GLIS3: variants seen among roughly 807,000 people sequenced by gnomAD.
GLIS3 encodes the protein zinc finger protein GLIS3.
GLIS3 carries 53 observed loss-of-function variants against 78.6 expected under a neutral mutation model. The observed-to-expected ratio is 0.67, with a 90% confidence interval of 0.54 to 0.85. GLIS3 has a LOEUF of 0.85. Among genes scored for constraint, GLIS3 ranks in the 40% least tolerant of loss-of-function variants. The probability of loss-of-function intolerance (pLI) is 0.00; values close to 1 mark genes in which losing one functional copy is unlikely to be tolerated. For missense variants in GLIS3, 1,703 were observed against 1,231.1 expected, an observed-to-expected ratio of 1.38 and a Z score of -5.74; for synonymous variants, 684 against 509.9, an observed-to-expected ratio of 1.34 and a Z score of -4.60.
chr9:4,145,786 C>T (rs947929083), intron 2 of GLIS3, among the ~76,000 whole-genome samples: 1 of 151,950 alleles, frequency 6.6e-6, no homozygotes, highest in Admixed American at 6.6e-5. Flanking sequence ...CTCCCTCTCT[C>T]TCCTTTAGTA....
At chr9:4,059,505 T>C (rs1486862300) in intron 4 of GLIS3, among the ~76,000 whole-genome samples, 1 of 152,190 alleles carries the variant, frequency 6.6e-6, no homozygotes, top group African/African-American at 2.4e-5. Context: ...AAACCACAAA[T>C]ACCTTAGAGA....
chr9:4,109,314 T>A (rs1425423726), intron 4 of GLIS3, among the ~76,000 whole-genome samples: 1 of 152,238 alleles, frequency 6.6e-6, no homozygotes, highest in Non-Finnish European at 1.5e-5. Flanking sequence ...ATACACAGGA[T>A]AATGTATGCA....
chr9:4,350,974 C>G (rs889462749), upstream of GLIS3, among the ~76,000 whole-genome samples: 4 of 152,176 alleles, frequency 2.6e-5, no homozygotes, highest in Admixed American at 6.5e-5. Flanking sequence ...GCCTGGGGCC[C>G]TGTGTGTCTG....
chr9:4,418,973 G>A, the GLIS3 span, among the ~76,000 whole-genome samples: 5 of 152,186 alleles, frequency 3.3e-5, no homozygotes, highest in Non-Finnish European at 5.9e-5. Flanking sequence ...GGCTAGAGAT[G>A]GTGGTGGAAA....
At position 4,040,530 on chromosome 9, in the gene GLIS3, G is replaced by C. The variant is rs150582891; in HGVS notation, c.1710+77238C>G. Among the ~76,000 whole-genome samples the C allele has an allele frequency of 8.8e-3, 1,347 of 152,216 alleles. 11 individuals are homozygous for C. Among genetic ancestry groups the C allele is most frequent in the Non-Finnish European group, 0.013 (913 of 68,016 alleles). On this transcript the variant is annotated intron_variant, in intron 4 of 10. Coordinates refer to ENST00000381971, the MANE Select transcript of GLIS3 (RefSeq NM_001042413.2). ...TCTGAACAACAAAACCAGATTTTAG[G>C]TCTTTTCCTAAAATCTTTAATGCAA...
the GLIS3 span, among the ~76,000 whole-genome samples, chr9:4,369,720 G>C: frequency 6.6e-6 from 1 of 152,180 alleles, no homozygotes; most frequent in African/African-American, 2.4e-5. Flanking sequence ...ACTTGGCTTT[G>C]AAGATCACTG....
the GLIS3 span, among the ~76,000 whole-genome samples, chr9:4,361,937 T>C: frequency 6.6e-6 from 1 of 152,160 alleles, no homozygotes; most frequent in Non-Finnish European, 1.5e-5. Flanking sequence ...CTTCTCCTCA[T>C]CCAAAAGAAA....
chr9:4,143,485 T>A (rs958257325), intron 2 of GLIS3, among the ~76,000 whole-genome samples: 2 of 151,924 alleles, frequency 1.3e-5, no homozygotes, highest in African/African-American at 4.8e-5. Context: ...GAGAATTGCT[T>A]GAACCCAGGA....
At chr9:3,928,689 A>C (rs558241215) in intron 6 of GLIS3, among the ~76,000 whole-genome samples, 1 of 152,316 alleles carries the variant, frequency 6.6e-6, no homozygotes, top group African/African-American at 2.4e-5. Context: ...AGGACATATA[A>C]ATGTGTGTTG....
intron 4 of GLIS3, among the ~76,000 whole-genome samples, chr9:4,041,656 G>A (rs1563977851): frequency 6.6e-6 from 1 of 152,080 alleles, no homozygotes; most frequent in Non-Finnish European, 1.5e-5. Context: ...ATGTAAGATG[G>A]CATGTTTTAT....
chr9:4,432,099 G>C, the GLIS3 span, among the ~76,000 whole-genome samples: 1 of 152,186 alleles, frequency 6.6e-6, no homozygotes, highest in Non-Finnish European at 1.5e-5. Context: ...CCAGTCAGTA[G>C]AGAAAGGGAG....
intron 4 of GLIS3, among the ~76,000 whole-genome samples, chr9:4,070,589 G>A (rs1048960048): frequency 6.6e-6 from 1 of 152,192 alleles, no homozygotes; most frequent in Middle Eastern, 3.4e-3. Context: ...AGGAGGGTGT[G>A]TATGTGGGTA....
At chr9:3,944,062 C>T (rs7028031) in intron 4 of GLIS3, among the ~76,000 whole-genome samples, 34,500 of 151,958 alleles carry the variant, frequency 0.23, 5,637 homozygotes, top group African/African-American at 0.46. Flanking sequence ...AGTACATACA[C>T]GTTTCTTATT....
chr9:3,836,228 C>T (rs550920407), intron 9 of GLIS3, among the ~76,000 whole-genome samples: 1 of 152,324 alleles, frequency 6.6e-6, no homozygotes, highest in South Asian at 2.1e-4. Flanking sequence ...AAGCAGATAT[C>T]AGCGGCAGAG....
chr9:4,399,985 G>A, the GLIS3 span, among the ~76,000 whole-genome samples: 2 of 152,204 alleles, frequency 1.3e-5, no homozygotes, highest in Non-Finnish European at 2.9e-5. Flanking sequence ...GTGGGAGTGG[G>A]ATGGCGAGTG....
chr9:4,286,190 A>T lies in GLIS3; in HGVS notation c.236T>A (p.Ile79Asn). The T allele has an allele frequency of 6.2e-7, 1 of 1,614,100 alleles. No homozygotes were observed. The highest frequency in any genetic ancestry group is 2.2e-5 in the East Asian group (1 of 44,898). The change falls in exon 2 of 11, where the codon ATC becomes AAC. Residue 79 changes from isoleucine to asparagine, a missense_variant. Ile to Asn is a moderately radical substitution (Grantham distance 149, BLOSUM62 -3). Coordinates refer to ENST00000381971, the MANE Select transcript of GLIS3 (RefSeq NM_001042413.2). ...CCTGGGGCTTAAGGCAGGCAGATGG[A>T]TGCGGCTCTCAGCCACGTTGTTCTG... ...APQNNVAESR[I>N]HLPALSPRRQ...
chr9:3,871,920 T>C (rs1318152302), intron 8 of GLIS3, among the ~76,000 whole-genome samples: 1 of 152,218 alleles, frequency 6.6e-6, no homozygotes, highest in East Asian at 1.9e-4. Context: ...AGGCTGCAAA[T>C]TTTTCAAACT....
chr9:3,967,012 A>C (rs563771345), intron 4 of GLIS3, among the ~76,000 whole-genome samples: 7 of 82,560 alleles, frequency 8.5e-5, no homozygotes, highest in African/African-American at 4.2e-4. Context: ...TTCTTTCTGC[A>C]AAAAAAAAAA....
chr9:4,472,940 A>T, the GLIS3 span, among the ~76,000 whole-genome samples: 1 of 152,194 alleles, frequency 6.6e-6, no homozygotes, highest in South Asian at 2.1e-4. Flanking sequence ...AACATTTTTA[A>T]AAAATACTGT....
Sources: allele counts gnomAD v4.1 joint callset (sites outside exome capture counted in the v4.1 genomes callset), GRCh38; gene constraint gnomAD v4.1.1; transcripts MANE v1.5; gene names NCBI Gene and HGNC (gene_info 2026-07-23, HGNC 2026-07-21).